Variants in KLHL29 observed in about 807,000 individuals in gnomAD.
KLHL29 encodes kelch-like protein 29.
KLHL29 carries 21 observed loss-of-function variants against 80.4 expected under a neutral mutation model. That is an observed-to-expected ratio of 0.26 (90% confidence interval 0.19 to 0.38). The LOEUF (loss-of-function observed/expected upper bound fraction) is 0.38. Among genes scored for constraint, KLHL29 ranks in the 10% least tolerant of loss-of-function variants. The pLI, the probability that KLHL29 is intolerant of heterozygous loss-of-function variation, is 1.00. For missense variants in KLHL29, 867 were observed against 1,223.9 expected (o/e 0.71, Z 4.35); for synonymous variants, 511 against 526.8 (o/e 0.97, Z 0.41).
intron 2 of KLHL29, among the ~76,000 whole-genome samples, chr2:23,527,437 T>C (rs950896103): frequency 1.1e-4 from 16 of 152,198 alleles, no homozygotes; most frequent in Admixed American, 9.8e-4. Context: ...GCATCCCTTC[T>C]GCCTGCTCAG....
chr2:23,620,553 C>T (rs1669148652), intron 3 of KLHL29, among the ~76,000 whole-genome samples: 1 of 152,110 alleles, frequency 6.6e-6, no homozygotes, highest in African/African-American at 2.4e-5. Context: ...GTGGTGAGGC[C>T]AGCTCTGGGA....
At chr2:23,691,336 A>G (rs1671586631) in intron 6 of KLHL29, 1 of 338,948 alleles carries the variant, frequency 3.0e-6, no homozygotes, top group Non-Finnish European at 5.5e-6. Flanking sequence ...TGGTGGAGAC[A>G]CCAGGGCCTG....
At chr2:23,612,540 G>C (rs1668894895) in intron 3 of KLHL29, among the ~76,000 whole-genome samples, 1 of 152,152 alleles carries the variant, frequency 6.6e-6, no homozygotes, top group South Asian at 2.1e-4. Flanking sequence ...TCAGGAGTTG[G>C]AGACCAGCCT....
At chr2:23,639,072 A>G (rs900278987) in intron 3 of KLHL29, 67 bp from the exon 4 acceptor site, 2 of 1,432,332 alleles carry the variant, frequency 1.4e-6, no homozygotes, top group South Asian at 1.5e-5. Flanking sequence ...GGTCCCTCCT[A>G]GGGAGTCTTG....
intron 1 of KLHL29, among the ~76,000 whole-genome samples, chr2:23,438,539 A>C (rs1291584016): frequency 2.0e-5 from 3 of 149,282 alleles, no homozygotes; most frequent in African/African-American, 5.0e-5. Flanking sequence ...GAATTTTGTC[A>C]AAGGCCTTTT....
At chr2:23,478,822 C>CG (rs560523139) in intron 2 of KLHL29, among the ~76,000 whole-genome samples, 84 of 152,242 alleles carry the variant, frequency 5.5e-4, no homozygotes, top group African/African-American at 2.0e-3. Flanking sequence ...GCCCTAGATG[C>CG]CGCCTGTGTC....
intron 1 of KLHL29, among the ~76,000 whole-genome samples, chr2:23,474,594 G>C (rs950073891): frequency 1.3e-5 from 2 of 152,112 alleles, no homozygotes; most frequent in African/African-American, 4.8e-5. Context: ...CTTGAAAATG[G>C]CTATTTGATA....
chr2:23,641,418 G>A (rs536793364), intron 4 of KLHL29, among the ~76,000 whole-genome samples: 3 of 152,200 alleles, frequency 2.0e-5, no homozygotes, highest in Admixed American at 6.5e-5. Context: ...CCCCTCCTGC[G>A]AGGACCATGC....
intron 1 of KLHL29, among the ~76,000 whole-genome samples, chr2:23,413,074 C>G (rs1280426400): frequency 1.3e-5 from 2 of 152,176 alleles, no homozygotes; most frequent in Non-Finnish European, 2.9e-5. Flanking sequence ...TTCTCTATTT[C>G]ATCCGGTGGA....
At chr2:23,469,109 G>A (rs1231486767) in intron 1 of KLHL29, among the ~76,000 whole-genome samples, 2 of 152,224 alleles carry the variant, frequency 1.3e-5, no homozygotes, top group Non-Finnish European at 2.9e-5. Flanking sequence ...AAATGTTATA[G>A]CCTGGTCCCA....
chr2:23,401,549 G>A (rs1377495775), intron 1 of KLHL29, among the ~76,000 whole-genome samples: 1 of 152,232 alleles, frequency 6.6e-6, no homozygotes, highest in African/African-American at 2.4e-5. Context: ...CAGAGCCTCA[G>A]TTTAGAGGCT....
chr2:23,695,670 C>T lies in KLHL29; in HGVS notation c.1590C>T (p.Pro530=), dbSNP rs1436379786. ...LAVVRLPFIH[P]SYLLNVVDNE... The stretch of plus-strand genomic sequence containing the variant: ...TGGTCCGCCTCCCCTTCATCCACCC[C>T]AGCTACCTGCTCAATGTGGTTGACA... The change falls in exon 9 of 14, where the codon CCC becomes CCT. Residue 530 remains proline, a synonymous_variant. Coordinates refer to ENST00000486442, the MANE Select transcript of KLHL29 (RefSeq NM_052920.2). This position sits in a 1 kb window ranked among gnomAD's most constrained non-coding sequence, Gnocchi z 7.6. The T allele has an allele frequency of 6.4e-7, 1 of 1,551,678 alleles. No homozygotes were observed. The highest frequency in any genetic ancestry group is 8.7e-7 in the Non-Finnish European group (1 of 1,146,970).
At chr2:23,594,902 C>T (rs979499478) in intron 3 of KLHL29, among the ~76,000 whole-genome samples, 1 of 152,138 alleles carries the variant, frequency 6.6e-6, no homozygotes, top group African/African-American at 2.4e-5. Flanking sequence ...TACTGAAGCA[C>T]GAGTGGTTTT....
At chr2:23,484,907 T>C (rs544669033) in intron 2 of KLHL29, among the ~76,000 whole-genome samples, 2 of 152,184 alleles carry the variant, frequency 1.3e-5, no homozygotes, top group East Asian at 3.9e-4. Flanking sequence ...GCTGAGCAAG[T>C]CTTCCAGAAG....
chr2:23,511,070 C>T (rs547230094), intron 2 of KLHL29, among the ~76,000 whole-genome samples: 1 of 152,228 alleles, frequency 6.6e-6, no homozygotes, highest in South Asian at 2.1e-4. Flanking sequence ...AATCCTGGAG[C>T]TTAGAAGTCC....
At chr2:23,403,730 T>A (rs62126849) in intron 1 of KLHL29, among the ~76,000 whole-genome samples, 8,428 of 90,858 alleles carry the variant, frequency 0.093, 385 homozygotes, top group East Asian at 0.36. Context: ...AGAGAGAGTG[T>A]GTGTGTGTGT....
At chr2:23,417,219 C>T (rs1666999129) in intron 1 of KLHL29, among the ~76,000 whole-genome samples, 1 of 152,150 alleles carries the variant, frequency 6.6e-6, no homozygotes, top group Non-Finnish European at 1.5e-5. Context: ...TAACTCATCT[C>T]CTGGCCTCTG....
chr2:23,392,576 C>T (rs1387684345), intron 1 of KLHL29, among the ~76,000 whole-genome samples: 10 of 152,102 alleles, frequency 6.6e-5, no homozygotes, highest in Non-Finnish European at 1.3e-4. Context: ...ATCTCTAATC[C>T]TCATATCAAT....
rs1664167558 is a variant in KLHL29 at position 23,460,045 on chromosome 2, A to G, written c.-153-15515A>G. ...TACTTTCAAATGTTGAAATGATGAG[A>G]AGTATTTGTTCAACATACCTACTGT... On this transcript the variant is annotated intron_variant, in intron 1 of 13. Coordinates refer to ENST00000486442, the MANE Select transcript of KLHL29 (RefSeq NM_052920.2). Among the ~76,000 whole-genome samples the G allele has an allele frequency of 3.3e-5, 5 of 152,208 alleles. No homozygotes were observed. The South Asian group carries it at 1.0e-3, about 32-fold the overall frequency.
Sources: gnomAD v4.1 joint callset for allele counts (sites outside exome capture counted in the v4.1 genomes callset) on GRCh38, gnomAD v4.1.1 for gene constraint, Gnocchi (gnomAD v3.1) non-coding constraint, MANE v1.5 for transcripts, NCBI Gene and HGNC (gene_info 2026-07-23, HGNC 2026-07-21) for gene names.